The following TGM7 variants were observed in gnomAD, a reference collection of about 807,000 sequenced individuals.
TGM7 encodes the protein protein-glutamine gamma-glutamyltransferase Z.
In TGM7, 74 loss-of-function variants were observed where a neutral mutation model predicts 79.5. That is an observed-to-expected ratio of 0.93 (90% CI 0.77 to 1.13). The LOEUF is 1.13. TGM7 is among the 50% of genes most tolerant of loss of function. The probability of loss-of-function intolerance (pLI) is 0.00; values close to 1 mark genes in which losing one functional copy is unlikely to be tolerated. For missense variants in TGM7, 912 were observed against 905.9 expected, an observed-to-expected ratio of 1.01 and a Z score of -0.09; for synonymous variants, 354 against 362.5, an observed-to-expected ratio of 0.98 and a Z score of 0.27.
intron 1 of TGM7, among the ~76,000 whole-genome samples, chr15:43,298,881 A>C (rs1263822033): frequency 6.6e-6 from 1 of 152,226 alleles, no homozygotes; most frequent in Non-Finnish European, 1.5e-5. Context: ...TTAAGCATAA[A>C]AATGTTCAGT....
chr15:43,288,732 C>T (rs575516688), intron 4 of TGM7, among the ~76,000 whole-genome samples: 1 of 152,254 alleles, frequency 6.6e-6, no homozygotes, highest in Non-Finnish European at 1.5e-5. Flanking sequence ...AAGTTCGAGA[C>T]CAGCCTGGCC....
At chr15:43,298,970 C>A (rs1399195667) in intron 1 of TGM7, among the ~76,000 whole-genome samples, 3 of 149,822 alleles carry the variant, frequency 2.0e-5, no homozygotes, top group Non-Finnish European at 1.5e-5. Context: ...TTGATTCCAA[C>A]AAAGAGGGCA....
chr15:43,282,756 C>G, intron 7 of TGM7, 136 bp from the exon 8 acceptor site: 2 of 746,818 alleles, frequency 2.7e-6, no homozygotes, highest in South Asian at 3.5e-5. Flanking sequence ...CTAAAAGTCA[C>G]AAGAATAGTA....
chr15:43,297,635 A>AGGAAAGAAAGAG (rs2043005914), intron 1 of TGM7, among the ~76,000 whole-genome samples: 1 of 77,544 alleles, frequency 1.3e-5, no homozygotes, highest in African/African-American at 3.5e-5. Context: ...GAAAGAAAGA[A>AGGAAAGAAAGAG]AAAGAAAGAA....
At chr15:43,279,330 G>A (rs551519892) in intron 10 of TGM7, 53 bp from the exon 11 acceptor site, 2 of 1,574,782 alleles carry the variant, frequency 1.3e-6, no homozygotes, top group South Asian at 1.1e-5. Flanking sequence ...AGAGAGAGGG[G>A]GGACATGTAG....
At chr15:43,278,984 G>T in intron 11 of TGM7, 133 bp downstream of exon 11, 1 of 957,666 alleles carries the variant, frequency 1.0e-6, no homozygotes, top group Non-Finnish European at 1.5e-6. Flanking sequence ...CAGAGCACTA[G>T]ACCACACCAT....
intron 11 of TGM7, among the ~76,000 whole-genome samples, chr15:43,277,197 A>G (rs1231345127): frequency 1.3e-5 from 2 of 152,162 alleles, no homozygotes; most frequent in African/African-American, 2.4e-5. Context: ...ACAATACTCC[A>G]AGGAGCCACC....
chr15:43,282,113 G>A (rs781256605), intron 8 of TGM7, 27 bp from the exon 9 acceptor site: 1 of 1,608,794 alleles, frequency 6.2e-7, no homozygotes, highest in Non-Finnish European at 8.5e-7. Context: ...CTACTGATAT[G>A]GGGGCCAGGG....
intron 4 of TGM7, among the ~76,000 whole-genome samples, chr15:43,288,162 G>T (rs1046664470): frequency 2.6e-5 from 4 of 152,236 alleles, no homozygotes; most frequent in Non-Finnish European, 5.9e-5. Flanking sequence ...GAGGAGCTCA[G>T]AGCAGACGCT....
rs551216103 is a variant in TGM7, at chr15:43,279,550, G to C, written c.1678+75C>G. 1.0e-4 allele frequency: 151 copies of C among 1,488,560 alleles called. 1 individual carries two copies. In the South Asian group the frequency reaches 1.9e-3, roughly 18 times the overall value. The allele number at this position is 1,488,560 out of a possible 1,614,324, so 92.2% of individuals were successfully genotyped here. On this transcript the variant is annotated intron_variant, in intron 10 of 12. Coordinates refer to ENST00000452443, the MANE Select transcript of TGM7 (RefSeq NM_052955.3). The stretch of plus-strand genomic sequence containing the variant: ...AAGGGGTCTGTGTGTAATCTGGCTG[G>C]GCCCACCCCACTGTGTTCATGGACC...
chr15:43,300,914 G>A (rs906319939), intron 1 of TGM7, among the ~76,000 whole-genome samples: 12 of 152,192 alleles, frequency 7.9e-5, no homozygotes, highest in African/African-American at 2.7e-4. Flanking sequence ...AATCTAGCAC[G>A]TGACAAGCTT....
At chr15:43,297,407 C>T (rs959823933) in intron 1 of TGM7, among the ~76,000 whole-genome samples, 3 of 150,888 alleles carry the variant, frequency 2.0e-5, no homozygotes, top group Admixed American at 1.3e-4. Context: ...GAGCTGAGAT[C>T]GTACCATTGC....
At chr15:43,288,820 C>G (rs962393714) in intron 4 of TGM7, among the ~76,000 whole-genome samples, 1 of 152,060 alleles carries the variant, frequency 6.6e-6, no homozygotes, top group Non-Finnish European at 1.5e-5. Flanking sequence ...GTCCTAGTTA[C>G]TCAGGAAGCT....
chr15:43,299,317 G>A (rs1292659790), intron 1 of TGM7, among the ~76,000 whole-genome samples: 1 of 152,172 alleles, frequency 6.6e-6, no homozygotes, highest in Non-Finnish European at 1.5e-5. Context: ...GAAGGGCAGC[G>A]AGAGCCCTGT....
chr15:43,299,063 A>C (rs2043014032), intron 1 of TGM7, among the ~76,000 whole-genome samples: 1 of 152,154 alleles, frequency 6.6e-6, no homozygotes, highest in Admixed American at 6.5e-5. Context: ...TTTTAAAAAG[A>C]CTAAAAATTA....
chr15:43,280,143 T>C (rs2042900683), intron 9 of TGM7, among the ~76,000 whole-genome samples, 192 bp from the exon 10 acceptor site: 1 of 152,120 alleles, frequency 6.6e-6, no homozygotes, highest in Admixed American at 6.5e-5. Context: ...ATCTGTAACC[T>C]GGGGATGATA....
At chr15:43,294,245 A>G (rs1033621184) in intron 1 of TGM7, among the ~76,000 whole-genome samples, 1 of 152,186 alleles carries the variant, frequency 6.6e-6, no homozygotes, top group Admixed American at 6.5e-5. Context: ...GTCACTTGTA[A>G]CTTACTTCTG....
intron 7 of TGM7, 69 bp from the exon 8 acceptor site, chr15:43,282,689 G>A (rs1002478879): frequency 6.8e-6 from 8 of 1,178,540 alleles, no homozygotes; most frequent in South Asian, 2.7e-5. Flanking sequence ...GGCACTATAC[G>A]GAGTGATTTA....
rs1439114051 is a variant in TGM7, at chr15:43,281,931, TG to T, written c.1263del (p.Asn421LysfsTer40). The T allele has an allele frequency of 1.2e-6, 2 of 1,614,146 alleles. No individual in the cohort carries two copies. Among genetic ancestry groups the T allele is most frequent in the South Asian group, 2.2e-5 (2 of 91,082 alleles). On this transcript the variant is annotated frameshift_variant, in exon 9 of 13. Coordinates refer to ENST00000452443, the MANE Select transcript of TGM7 (RefSeq NM_052955.3). LOFTEE classifies it high-confidence loss of function. ...CTGATCTCCTTCCCGATGGAACTGG[TG>T]TTGTGGGCCAGGATTTCCTGGGCCT... ...DGQAQEILAHNTSSIGKEIST... is the reference protein window; with the variant it reads ...DGQAQEILAHXTSSIGKEIST...
Sources: allele counts gnomAD v4.1 joint callset (sites outside exome capture counted in the v4.1 genomes callset), GRCh38; gene constraint gnomAD v4.1.1; transcripts MANE v1.5; gene names NCBI Gene and HGNC (gene_info 2026-07-23, HGNC 2026-07-21).